Variants in SPAG16 observed in about 807,000 individuals in gnomAD.
The protein encoded by SPAG16 is sperm associated antigen 16.
SPAG16 carries 86 observed loss-of-function variants against 80.4 expected under a neutral mutation model. The ratio of observed to expected loss-of-function variants is 1.07; its 90% CI spans 0.90 to 1.28. SPAG16 has a LOEUF of 1.28. SPAG16 is among the 50% of genes most tolerant of loss of function. SPAG16 has a pLI of 0.00. For missense variants in SPAG16, 870 were observed against 765.3 expected (o/e 1.14, Z -1.61); for synonymous variants, 294 against 265.9 (o/e 1.11, Z -1.03).
At chr2:214,178,083 C>T (rs1039855746) in intron 15 of SPAG16, among the ~76,000 whole-genome samples, 1 of 143,880 alleles carries the variant, frequency 7.0e-6, no homozygotes, top group Non-Finnish European at 1.5e-5. Flanking sequence ...AATACATTTA[C>T]ACAGAAGAAA....
In SPAG16 at chr2:214,029,604, T is replaced by G. The variant is rs2048312829; in HGVS notation, c.1527+15527T>G. Among the ~76,000 whole-genome samples the G allele has an allele frequency of 1.6e-5, 2 of 129,018 alleles. 1 individual carries two copies. The allele number at this position is 129,018 out of a possible 152,430, so 84.6% of individuals were successfully genotyped here. A position where few individuals can be genotyped will look rare whatever the true frequency, so the allele number is the denominator to read the frequency against. ...AAGAGGAAGATGTGGTTAGAGAAAA[T>G]TAAACACACAAAAGAAAAGAATGTG... On this transcript the variant is annotated intron_variant, in intron 13 of 15. Coordinates refer to ENST00000331683, the MANE Select transcript of SPAG16 (RefSeq NM_024532.5).
intron 9 of SPAG16, among the ~76,000 whole-genome samples, chr2:213,411,082 G>A (rs1448382923): frequency 6.6e-6 from 1 of 151,942 alleles, no homozygotes; most frequent in Non-Finnish European, 1.5e-5. Flanking sequence ...GATGTGTGGT[G>A]GTATTGTGGT....
chr2:213,974,948 T>TAA (rs569021815), intron 12 of SPAG16, among the ~76,000 whole-genome samples: 14,468 of 116,164 alleles, frequency 0.12, 1,188 homozygotes, highest in African/African-American at 0.25. Flanking sequence ...AAGATGTCGT[T>TAA]AAAAAAAAAA....
intron 15 of SPAG16, among the ~76,000 whole-genome samples, chr2:214,260,763 A>T (rs1164028811): frequency 6.6e-6 from 1 of 152,128 alleles, no homozygotes; most frequent in Non-Finnish European, 1.5e-5. Flanking sequence ...CTATTCAGGC[A>T]TTAGCCCTTT....
intron 15 of SPAG16, among the ~76,000 whole-genome samples, chr2:214,211,954 G>A (rs2058305890): frequency 6.6e-6 from 1 of 152,052 alleles, no homozygotes; most frequent in Admixed American, 6.6e-5. Flanking sequence ...TACCACTCTA[G>A]TTTCGGGCTA....
At chr2:213,727,658 A>G (rs7597928) in intron 10 of SPAG16, among the ~76,000 whole-genome samples, 132,699 of 152,062 alleles carry the variant, frequency 0.87, 60,057 homozygotes, top group East Asian at 1. Context: ...ATAAGGGAAG[A>G]AAAGTAGCAA....
intron 15 of SPAG16, among the ~76,000 whole-genome samples, chr2:214,179,321 T>A (rs2125663620): frequency 6.6e-6 from 1 of 151,370 alleles, no homozygotes; most frequent in East Asian, 1.9e-4. Context: ...ATTGTAAGCA[T>A]ACGAAATGGG....
At chr2:213,583,984 A>G (rs1194183750) in intron 10 of SPAG16, among the ~76,000 whole-genome samples, 1 of 152,224 alleles carries the variant, frequency 6.6e-6, no homozygotes, top group Non-Finnish European at 1.5e-5. Context: ...AGTACCTGAC[A>G]TTCAGTCATT....
At chr2:214,119,699 T>A (rs987687869) in intron 14 of SPAG16, among the ~76,000 whole-genome samples, 2 of 152,110 alleles carry the variant, frequency 1.3e-5, no homozygotes, top group East Asian at 1.9e-4. Context: ...TTTTATTATT[T>A]CTTTGCCTAT....
intron 14 of SPAG16, among the ~76,000 whole-genome samples, chr2:214,130,004 G>A (rs1165213560): frequency 6.6e-6 from 1 of 152,084 alleles, no homozygotes; most frequent in African/African-American, 2.4e-5. Context: ...CTCAAATTGG[G>A]GAGGCATAGC....
intron 12 of SPAG16, among the ~76,000 whole-genome samples, chr2:213,984,899 C>T (rs2045930954): frequency 1.3e-5 from 2 of 152,080 alleles, no homozygotes; most frequent in Non-Finnish European, 2.9e-5. Flanking sequence ...TGGCTTATTC[C>T]CTCACTTCAT....
chr2:214,209,832 G>C (rs2058242918), intron 15 of SPAG16, among the ~76,000 whole-genome samples: 1 of 152,030 alleles, frequency 6.6e-6, no homozygotes. Context: ...TGATTAATTT[G>C]TCACCAAGGC....
At chr2:214,034,885 T>C (rs553751025) in intron 13 of SPAG16, among the ~76,000 whole-genome samples, 1 of 152,252 alleles carries the variant, frequency 6.6e-6, no homozygotes, top group African/African-American at 2.4e-5. Context: ...TTGCTCATGT[T>C]ACAGCTCTTT....
chr2:213,770,217 G>C (rs535507431), intron 10 of SPAG16, among the ~76,000 whole-genome samples: 14 of 152,056 alleles, frequency 9.2e-5, no homozygotes, highest in Non-Finnish European at 2.1e-4. Context: ...AAACTTTCTT[G>C]TACAAGGTTT....
intron 10 of SPAG16, among the ~76,000 whole-genome samples, chr2:213,749,716 C>T (rs942759576): frequency 3.9e-5 from 6 of 152,092 alleles, no homozygotes; most frequent in African/African-American, 1.4e-4. Context: ...TGAATCTTAC[C>T]TAGATATTCT....
intron 15 of SPAG16, among the ~76,000 whole-genome samples, chr2:214,170,420 G>A (rs771179455): frequency 4.0e-5 from 6 of 151,832 alleles, no homozygotes; most frequent in Non-Finnish European, 7.4e-5. Flanking sequence ...GCAGACAATC[G>A]GATAGATACT....
intron 10 of SPAG16, among the ~76,000 whole-genome samples, chr2:213,599,333 A>G (rs2060984913): frequency 6.6e-6 from 1 of 152,176 alleles, no homozygotes; most frequent in Non-Finnish European, 1.5e-5. Flanking sequence ...ACTGACATAA[A>G]CTACAGTTGT....
At chr2:214,051,667 A>G (rs371473744) in intron 13 of SPAG16, among the ~76,000 whole-genome samples, 3 of 152,206 alleles carry the variant, frequency 2.0e-5, no homozygotes, top group Admixed American at 6.6e-5. Context: ...TCTTGCTCCT[A>G]GAGTAGGTGA....
At chr2:213,585,265 A>G (rs1159234140) in intron 10 of SPAG16, among the ~76,000 whole-genome samples, 2 of 136,730 alleles carry the variant, frequency 1.5e-5, no homozygotes, top group Non-Finnish European at 3.1e-5. Flanking sequence ...TGACTTTTAC[A>G]TATGAATGAT....
Sources: allele counts gnomAD v4.1 joint callset (sites outside exome capture counted in the v4.1 genomes callset), GRCh38; gene constraint gnomAD v4.1.1; transcripts MANE v1.5; gene names NCBI Gene and HGNC (gene_info 2026-07-23, HGNC 2026-07-21).